The following KCNAB1 variants were observed in gnomAD, a reference collection of about 807,000 sequenced individuals.
The protein encoded by KCNAB1 is potassium voltage-gated channel subfamily A regulatory beta subunit 1, also known as voltage-gated potassium channel subunit beta-1.
Under a neutral mutation model 64.6 loss-of-function variants are expected in KCNAB1, and 35 were observed. That is an observed-to-expected ratio of 0.54 (90% CI 0.41 to 0.72). The LOEUF (loss-of-function observed/expected upper bound fraction) is 0.72, where lower values mean the gene tolerates loss of function less well. Ranked by LOEUF, KCNAB1 falls within the 30% of genes least tolerant of loss-of-function variation. KCNAB1 has a pLI of 0.00. For missense variants in KCNAB1, 401 were observed against 512.9 expected, an observed-to-expected ratio of 0.78 and a Z score of 2.11; for synonymous variants, 177 against 183.8, an observed-to-expected ratio of 0.96 and a Z score of 0.30.
chr3:156,344,026 C>G (rs1275453976), intron 1 of KCNAB1, among the ~76,000 whole-genome samples: 1 of 152,124 alleles, frequency 6.6e-6, no homozygotes, highest in Non-Finnish European at 1.5e-5. Context: ...TTTTCTGATA[C>G]CCAGTCAGCC....
At chr3:156,381,952 T>C (rs1047137331) in intron 1 of KCNAB1, among the ~76,000 whole-genome samples, 2 of 152,176 alleles carry the variant, frequency 1.3e-5, no homozygotes, top group African/African-American at 4.8e-5. Flanking sequence ...CAAACTCTTT[T>C]GAAGGAACAG....
At chr3:156,161,645 T>A (rs1716088012) in intron 1 of KCNAB1, among the ~76,000 whole-genome samples, 1 of 152,348 alleles carries the variant, frequency 6.6e-6, no homozygotes, top group African/African-American at 2.4e-5. Flanking sequence ...TATATATTTT[T>A]AAAATATTTT....
chr3:156,298,750 A>G (rs79448585), intron 1 of KCNAB1, among the ~76,000 whole-genome samples: 1 of 152,196 alleles, frequency 6.6e-6, no homozygotes, highest in African/African-American at 2.4e-5. Flanking sequence ...GCATCAATTC[A>G]TACTTTTTCT....
chr3:156,319,056 G>A (rs1189311827), intron 1 of KCNAB1, among the ~76,000 whole-genome samples: 2 of 152,110 alleles, frequency 1.3e-5, no homozygotes, highest in African/African-American at 2.4e-5. Flanking sequence ...AATAAATAAA[G>A]TTATATTCCT....
intron 1 of KCNAB1, among the ~76,000 whole-genome samples, chr3:156,200,871 C>T (rs1714288253): frequency 6.6e-6 from 1 of 152,178 alleles, no homozygotes; most frequent in Non-Finnish European, 1.5e-5. Context: ...ACCAAACATA[C>T]AAACAAACAA....
At chr3:156,142,909 T>C (rs1442785298) in intron 1 of KCNAB1, 1 of 955,608 alleles carries the variant, frequency 1.0e-6, no homozygotes, top group Non-Finnish European at 1.3e-6. Flanking sequence ...TATGTTTGAC[T>C]CTGAGTACTT....
At chr3:156,515,277 C>CG (rs1476777204) in intron 10 of KCNAB1, 57 bp downstream of exon 10, 29 of 1,500,030 alleles carry the variant, frequency 1.9e-5, no homozygotes, top group Non-Finnish European at 2.6e-5. Flanking sequence ...ATCACTGATT[C>CG]GGGGAAAAAA....
chr3:156,145,343 C>T (rs978973835), intron 1 of KCNAB1, among the ~76,000 whole-genome samples: 2 of 152,196 alleles, frequency 1.3e-5, no homozygotes, highest in Non-Finnish European at 2.9e-5. Context: ...ACCCACTCCC[C>T]AATGTCCTTA....
At chr3:156,511,350 G>C (rs982056885) in intron 8 of KCNAB1, among the ~76,000 whole-genome samples, 4 of 152,008 alleles carry the variant, frequency 2.6e-5, no homozygotes, top group African/African-American at 9.7e-5. Flanking sequence ...TGATCCACCC[G>C]CCTCGGCCTC....
chr3:156,359,166 G>A (rs1409814007), intron 1 of KCNAB1, among the ~76,000 whole-genome samples: 2 of 152,002 alleles, frequency 1.3e-5, no homozygotes, highest in African/African-American at 2.4e-5. Context: ...TCATTCTGTT[G>A]GTACTTATTA....
At chr3:156,204,523 A>G (rs1258442732) in intron 1 of KCNAB1, among the ~76,000 whole-genome samples, 1 of 152,154 alleles carries the variant, frequency 6.6e-6, no homozygotes, top group Non-Finnish European at 1.5e-5. Flanking sequence ...ATCTCTATCC[A>G]TTTGAATAGA....
In KCNAB1 at chr3:156,441,418, A is replaced by G. The variant is rs1291468610; in HGVS notation, c.320-11481A>G. ...GTAGCATTTTTCCAGACTTCTTTTC[A>G]TAGTAACTTACTGTGGAAAACCAAA... On this transcript the variant is annotated intron_variant, in intron 2 of 13. Transcript: ENST00000490337. The G allele has an allele frequency of 2.0e-5, 3 of 152,192 alleles. No individual in the cohort carries two copies. The East Asian group carries it at 5.8e-4, about 29-fold the overall frequency. 9.4% of individuals were successfully genotyped at this position (152,192 alleles called of 1,614,324 possible). A position where few individuals can be genotyped will look rare whatever the true frequency, so the allele number is the denominator to read the frequency against.
At chr3:156,408,525 A>T (rs1486867317) in intron 1 of KCNAB1, among the ~76,000 whole-genome samples, 1 of 152,222 alleles carries the variant, frequency 6.6e-6, no homozygotes, top group Non-Finnish European at 1.5e-5. Flanking sequence ...CATGCCTGTA[A>T]TCCCAGCACT....
chr3:156,283,033 G>A (rs1450568768), intron 1 of KCNAB1, among the ~76,000 whole-genome samples: 17 of 150,822 alleles, frequency 1.1e-4, no homozygotes, highest in African/African-American at 2.9e-4. Flanking sequence ...TATTTTGCTC[G>A]TTAGTTGATG....
chr3:156,322,823 G>T (rs1722752945), intron 1 of KCNAB1, among the ~76,000 whole-genome samples: 2 of 152,126 alleles, frequency 1.3e-5, no homozygotes, highest in Admixed American at 1.3e-4. Flanking sequence ...ATTACTGACT[G>T]CTCCAAGTAC....
intron 1 of KCNAB1, among the ~76,000 whole-genome samples, chr3:156,211,242 C>T (rs777864103): frequency 6.6e-6 from 1 of 152,076 alleles, no homozygotes; most frequent in African/African-American, 2.4e-5. Flanking sequence ...AGGGGGAGAA[C>T]AAAAAAAGTC....
intron 1 of KCNAB1, among the ~76,000 whole-genome samples, chr3:156,317,104 G>A (rs74905480): frequency 0.014 from 2,140 of 152,192 alleles, 21 homozygotes; most frequent in South Asian, 0.031. Flanking sequence ...TCAGTTTCAG[G>A]GAGATATTTT....
At chr3:156,230,072 G>A (rs1482891745) in intron 1 of KCNAB1, among the ~76,000 whole-genome samples, 4 of 152,094 alleles carry the variant, frequency 2.6e-5, no homozygotes, top group Non-Finnish European at 5.9e-5. Context: ...CATCCAAAGA[G>A]CATGAGGCAA....
chr3:156,278,846 G>A (rs1366104492), intron 1 of KCNAB1, among the ~76,000 whole-genome samples: 1 of 152,094 alleles, frequency 6.6e-6, no homozygotes, highest in East Asian at 1.9e-4. Context: ...CAACACAAAG[G>A]ATGGCTGGGT....
Sources: gnomAD v4.1 joint callset for allele counts (sites outside exome capture counted in the v4.1 genomes callset) on GRCh38, gnomAD v4.1.1 for gene constraint, MANE v1.5 for transcripts, NCBI Gene and HGNC (gene_info 2026-07-23, HGNC 2026-07-21) for gene names.